Variants in MAPK8IP3 observed in about 807,000 individuals in gnomAD.
The protein encoded by MAPK8IP3 is C-Jun-amino-terminal kinase-interacting protein 3.
In MAPK8IP3, 49 loss-of-function variants were observed where a neutral mutation model predicts 157.8. That is an observed-to-expected ratio of 0.31 (90% CI 0.25 to 0.39). MAPK8IP3 has a LOEUF of 0.39. MAPK8IP3 is among the 10% of genes least tolerant of loss of function. The probability of loss-of-function intolerance (pLI) is 1.00; values close to 1 mark genes in which losing one functional copy is unlikely to be tolerated. For missense variants in MAPK8IP3, 1,478 were observed against 1,889.4 expected (o/e 0.78, Z 4.04); for synonymous variants, 897 against 777.7 (o/e 1.15, Z -2.55).
chr16:1,765,914 G>A (rs1211362421), intron 20 of MAPK8IP3, 46 bp from the exon 21 acceptor site: 4 of 1,547,808 alleles, frequency 2.6e-6, no homozygotes, highest in East Asian at 2.3e-5. Context: ...CGCCCTTGCA[G>A]TAGTGGGTTC....
At chr16:1,761,150 G>A (rs950655704) in intron 12 of MAPK8IP3, 74 bp from the exon 13 acceptor site, 25 of 1,186,070 alleles carry the variant, frequency 2.1e-5, no homozygotes, top group Admixed American at 8.4e-5. Flanking sequence ...GGTTCGGGGC[G>A]GGCACTGCCC....
At chr16:1,707,081 C>T (rs1266121658) in intron 1 of MAPK8IP3, among the ~76,000 whole-genome samples, 6 of 152,020 alleles carry the variant, frequency 3.9e-5, no homozygotes, top group African/African-American at 1.5e-4. Context: ...ATGACAATTG[C>T]CTTTGCTTTC....
At chr16:1,765,838 G>A in intron 20 of MAPK8IP3, 122 bp from the exon 21 acceptor site, 1 of 889,646 alleles carries the variant, frequency 1.1e-6, no homozygotes, top group South Asian at 1.6e-5. Context: ...ATGTGTGGAA[G>A]CTGGGTCTGC....
rs2041269215 is a variant in MAPK8IP3 at position 1,751,205 on chromosome 16, C to T, written c.1216+2485C>T. Among the ~76,000 whole-genome samples, 2 of 152,052 alleles carry T rather than the reference C, an allele frequency of 1.3e-5. No individual in the cohort carries two copies. Among genetic ancestry groups the T allele is most frequent in the Admixed American group, 6.5e-5 (1 of 15,280 alleles). ...GCACAGTGGCTCATGCCCGTAATCC[C>T]AGCACTTTGGGAGGCCGAGGCGGGT... is the stretch of plus-strand genomic sequence containing the variant. On this transcript the variant is annotated intron_variant, in intron 8 of 31. Coordinates refer to ENST00000610761, the MANE Select transcript of MAPK8IP3 (RefSeq NM_001318852.2). The surrounding 1 kb of genome is among the most constrained non-coding windows in gnomAD (Gnocchi z 5.0).
intron 4 of MAPK8IP3, among the ~76,000 whole-genome samples, chr16:1,729,863 C>T (rs1295804485): frequency 6.6e-6 from 1 of 152,006 alleles, no homozygotes; most frequent in Non-Finnish European, 1.5e-5. Context: ...CATATTTAAC[C>T]CTTACTATCC....
chr16:1,726,425 C>A (rs1012476646), intron 2 of MAPK8IP3, among the ~76,000 whole-genome samples: 10 of 152,154 alleles, frequency 6.6e-5, no homozygotes, highest in African/African-American at 2.4e-4. Flanking sequence ...CCATAACTTC[C>A]ACACTTTGGG....
At position 1,764,390 on chromosome 16, in the gene MAPK8IP3, T is replaced by C. The variant is rs2294618; in HGVS notation, c.2211T>C (p.Asp737=). Residue 737 remains aspartate, a synonymous_variant, in exon 19 of 32, where the codon GAT becomes GAC. Coordinates refer to ENST00000610761, the MANE Select transcript of MAPK8IP3 (RefSeq NM_001318852.2). ...GNGVKPAPGR[D]PLTCDREGDG... ...GAGTCAAGCCAGCGCCAGGCCGCGA[T>C]CCCCTGACCTGCGACCGCGAAGGAG... 0.14 allele frequency: 221,019 copies of C among 1,597,666 alleles called. 16,937 individuals carry two copies. Among genetic ancestry groups the C allele is most frequent in the East Asian group, 0.32 (14,100 of 44,154 alleles).
Position 1,743,549 on chromosome 16 carries a change from C to T in MAPK8IP3, c.747+73C>T. Reference sequence around the variant, plus strand: ...GTTCCCCGTTCACTGGGGCGGGAGCCTCGTCTGCAGGCAGCCCTTCACGGC... The same window carrying T: ...GTTCCCCGTTCACTGGGGCGGGAGCTTCGTCTGCAGGCAGCCCTTCACGGC... On this transcript the variant is annotated intron_variant, in intron 5 of 31. Coordinates refer to ENST00000610761, the MANE Select transcript of MAPK8IP3 (RefSeq NM_001318852.2). This position sits in a 1 kb window ranked among gnomAD's most constrained non-coding sequence, Gnocchi z 5.6. 1 of 1,552,488 alleles carries T rather than the reference C, an allele frequency of 6.4e-7. No homozygotes were observed.
In MAPK8IP3 at chr16:1,748,256, G is replaced by T; in HGVS notation, c.1007G>T (p.Ser336Ile). Reference sequence around the variant, plus strand: ...TGCTCTCCCCTAGGCATGGGCAGCAGTGACGAGTGGTCTGATGTTCAAGAC... The same window carrying T: ...TGCTCTCCCCTAGGCATGGGCAGCATTGACGAGTGGTCTGATGTTCAAGAC... ...MRNVSIGMGS[S>I]DEWSDVQDII... is the part of the protein sequence containing the mutation. The change falls in exon 7 of 32, where the codon AGT becomes ATT. Residue 336 changes from serine to isoleucine, a missense_variant. By Grantham distance (142) the Ser-to-Ile change is moderately radical. Around this residue, in one of 11 missense-constraint regions of MAPK8IP3, gnomAD observed 315 missense variants for 394.4 expected, o/e 0.80. Transcript: ENST00000610761. 6.2e-7 allele frequency: 1 copy of T among 1,613,904 alleles called. No individual in the cohort carries two copies. The highest frequency in any genetic ancestry group is 8.5e-7 in the Non-Finnish European group (1 of 1,179,908).
chr16:1,708,489 C>A (rs560503490), intron 1 of MAPK8IP3, among the ~76,000 whole-genome samples: 1 of 152,206 alleles, frequency 6.6e-6, no homozygotes, highest in African/African-American at 2.4e-5. Flanking sequence ...AGGAGAAAAT[C>A]AAGATGGACA....
chr16:1,768,158 C>T lies in MAPK8IP3; in HGVS notation c.3563-41C>T, dbSNP rs538038349. ...TCACGGGAGCCTCTCCCACTCTCCACCTGTATGCGGGCTCAGCGCCTCTGG... is the reference window on the plus strand; with the variant it reads ...TCACGGGAGCCTCTCCCACTCTCCATCTGTATGCGGGCTCAGCGCCTCTGG... On this transcript the variant is annotated intron_variant, in intron 29 of 31. Transcript: ENST00000610761. The T allele has an allele frequency of 6.8e-6, 11 of 1,612,060 alleles. No homozygotes were observed. The African/African-American group carries it at 9.3e-5, about 14-fold the overall frequency.
Position 1,759,876 on chromosome 16 carries a change from G to A in MAPK8IP3, c.1247-82G>A, listed in dbSNP as rs867572993. 1.5e-5 allele frequency: 19 copies of A among 1,251,474 alleles called. No homozygotes were observed. The Admixed American group carries it at 2.4e-4, about 16-fold the overall frequency. 77.5% of individuals were successfully genotyped at this position (1,251,474 alleles called of 1,614,324 possible). On this transcript the variant is annotated intron_variant, in intron 10 of 31. Transcript: ENST00000610761. ...CAGCCAGGCTACCCTCTTTGGAAGC[G>A]TTGTTGCCCTGAGGCAGGTGCGGCG...
rs2042393007 is a variant in MAPK8IP3, at chr16:1,768,215, C to T, written c.3579C>T (p.Pro1193=). ...TCCCTGCAGCCAATAAGACATCCCC[C>T]ACCTCTGGGGAGGGCGCCCGTCCCG... is the stretch of plus-strand genomic sequence containing the variant. ...LLGLRANKTS[P]TSGEGARPGG... The change falls in exon 30 of 32, where the codon CCC becomes CCT. Residue 1193 remains proline (P), a synonymous_variant. Coordinates refer to ENST00000610761, the MANE Select transcript of MAPK8IP3 (RefSeq NM_001318852.2). 4 of 1,612,328 alleles carry T rather than the reference C, an allele frequency of 2.5e-6. No individual in the cohort carries two copies. The highest frequency in any genetic ancestry group is 3.4e-6 in the Non-Finnish European group (4 of 1,179,892).
At position 1,724,607 on chromosome 16, in the gene MAPK8IP3, A is replaced by C; in HGVS notation, c.369A>C (p.Gln123His). The C allele has an allele frequency of 6.2e-7, 1 of 1,613,688 alleles. No individual in the cohort carries two copies. The highest frequency in any genetic ancestry group is 8.5e-7 in the Non-Finnish European group (1 of 1,180,000). Reference sequence around the variant, plus strand: ...TGGAACAAGAGAAGAAAGAGCTGCAAATCCAGGTGGAGCACTACGAGTTCC... The same window carrying C: ...TGGAACAAGAGAAGAAAGAGCTGCACATCCAGGTGGAGCACTACGAGTTCC... ...DALEQEKKEL[Q>H]IQVEHYEFQT... Residue 123 changes from glutamine (Q) to histidine (H), a missense_variant, in exon 2 of 32, where the codon CAA becomes CAC. Transcript: ENST00000610761. The surrounding 1 kb of genome is among the most constrained non-coding windows in gnomAD (Gnocchi z 4.1).
chr16:1,759,537 C>T (rs754283232), intron 10 of MAPK8IP3, among the ~76,000 whole-genome samples: 16 of 152,194 alleles, frequency 1.1e-4, no homozygotes, highest in African/African-American at 2.7e-4. Flanking sequence ...GCCCCATCGC[C>T]GCACCCCAGC....
chr16:1,716,730 A>G (rs1441404729), intron 1 of MAPK8IP3, among the ~76,000 whole-genome samples: 3 of 152,012 alleles, frequency 2.0e-5, no homozygotes, highest in East Asian at 2.0e-4. Context: ...CCTGGCCAAC[A>G]TGGCGAAACC....
In MAPK8IP3 at chr16:1,761,597, A is replaced by G. The variant is rs371526331; in HGVS notation, c.1539+292A>G. ...ACCACCATTCACCATTCACAGGCAGAGCGGCCACCATTCACCATTCACAGG... is the reference window on the plus strand; with the variant it reads ...ACCACCATTCACCATTCACAGGCAGGGCGGCCACCATTCACCATTCACAGG... On this transcript the variant is annotated intron_variant, in intron 13 of 31. Transcript: ENST00000610761. Among the ~76,000 whole-genome samples, 65 of 116,666 alleles carry G rather than the reference A, an allele frequency of 5.6e-4. 1 individual carries two copies. Among genetic ancestry groups the G allele is most frequent in the African/African-American group, 1.4e-3 (41 of 29,840 alleles). 76.5% of individuals were successfully genotyped at this position (116,666 alleles called of 152,430 possible). A position where few individuals can be genotyped will look rare whatever the true frequency, so the allele number is the denominator to read the frequency against.
intron 1 of MAPK8IP3, among the ~76,000 whole-genome samples, chr16:1,717,066 A>T (rs1347849600): frequency 2.0e-5 from 3 of 151,152 alleles, no homozygotes; most frequent in Admixed American, 6.6e-5. Flanking sequence ...CTCAAAAAAA[A>T]ATAAAATAAA....
At chr16:1,721,273 C>T (rs896220343) in intron 1 of MAPK8IP3, among the ~76,000 whole-genome samples, 17 of 141,724 alleles carry the variant, frequency 1.2e-4, no homozygotes, top group African/African-American at 4.0e-4. Context: ...GCGGAGGTTG[C>T]GGTGAGCTGA....
Sources: gnomAD v4.1 joint callset for allele counts (sites outside exome capture counted in the v4.1 genomes callset) on GRCh38, gnomAD v4.1.1 for gene constraint, gnomAD v4.1.1 regional missense constraint, Gnocchi (gnomAD v3.1) non-coding constraint, MANE v1.5 for transcripts, NCBI Gene and HGNC (gene_info 2026-07-23, HGNC 2026-07-21) for gene names.